Variants in MIGA1 observed in about 807,000 individuals in gnomAD.
The protein encoded by MIGA1 is mitoguardin 1.
MIGA1 carries 58 observed loss-of-function variants against 82.0 expected under a neutral mutation model. The observed-to-expected ratio is 0.71, with a 90% CI of 0.57 to 0.88. MIGA1 has a LOEUF of 0.88. MIGA1 is among the 40% of genes least tolerant of loss of function. The pLI, the probability that MIGA1 is intolerant of heterozygous loss-of-function variation, is 0.00. For missense variants in MIGA1, 751 were observed against 749.1 expected, an observed-to-expected ratio of 1.00 and a Z score of -0.03; for synonymous variants, 249 against 253.6, an observed-to-expected ratio of 0.98 and a Z score of 0.17.
chr1:77,805,461 C>CTTTTTTTTT (rs11408292), intron 4 of MIGA1, among the ~76,000 whole-genome samples: 289 of 109,412 alleles, frequency 2.6e-3, no homozygotes, highest in Middle Eastern at 7.1e-3. Flanking sequence ...TATGCCTATT[C>CTTTTTTTTT]TTTTTTTTTT....
intron 12 of MIGA1, among the ~76,000 whole-genome samples, chr1:77,862,450 AAAT>A (rs1571011139): frequency 6.7e-6 from 1 of 149,570 alleles, no homozygotes; most frequent in East Asian, 2.0e-4. Flanking sequence ...CTGGCTCAAA[AAAT>A]ATATAGATAT....
rs773988629 is a variant in MIGA1, at chr1:77,875,071, T to A, written c.*7T>A. On this transcript the variant is annotated 3_prime_UTR_variant, in exon 16 of 16. Transcript: ENST00000370791. The stretch of plus-strand genomic sequence containing the variant: ...GGAAGCCAAAGTACAATAAGTACCA[T>A]AAGAATCATACAATTTGAGTGTGCT... The A allele has an allele frequency of 2.5e-6, 4 of 1,590,410 alleles. No homozygotes were observed. Among genetic ancestry groups the A allele is most frequent in the Non-Finnish European group, 3.5e-6 (4 of 1,159,288 alleles).
At chr1:77,836,835 A>G (rs962814308) in intron 7 of MIGA1, among the ~76,000 whole-genome samples, 5 of 152,290 alleles carry the variant, frequency 3.3e-5, no homozygotes, top group Admixed American at 6.5e-5. Context: ...AGAAAAGAAC[A>G]TTGGATAGGT....
At chr1:77,863,467 G>A (rs1181386097) in intron 12 of MIGA1, among the ~76,000 whole-genome samples, 2 of 152,222 alleles carry the variant, frequency 1.3e-5, no homozygotes, top group Middle Eastern at 3.4e-3. Context: ...TACTCTAGGC[G>A]TCTAATTTGC....
At chr1:77,871,749 T>C (rs1646837723) in intron 14 of MIGA1, among the ~76,000 whole-genome samples, 3 of 152,192 alleles carry the variant, frequency 2.0e-5, no homozygotes, top group Admixed American at 1.3e-4. Flanking sequence ...AATTAAATGC[T>C]TAAATAATAT....
intron 4 of MIGA1, among the ~76,000 whole-genome samples, chr1:77,803,768 CG>C (rs1279513661): frequency 1.3e-5 from 2 of 151,556 alleles, no homozygotes; most frequent in Non-Finnish European, 2.9e-5. Flanking sequence ...GGAAAGGTAA[CG>C]GGGGGTGGAG....
intron 8 of MIGA1, among the ~76,000 whole-genome samples, chr1:77,850,826 T>C (rs1685017342): frequency 6.6e-6 from 1 of 151,934 alleles, no homozygotes; most frequent in South Asian, 2.1e-4. Context: ...TTATTGTTGC[T>C]GTTGTTGTTG....
Position 77,843,326 on chromosome 1 carries a change from C to T in MIGA1, c.915C>T (p.Thr305=). ...TTTAAGATAAAGATACAGATATCAC[C>T]ATGAAGGGTAATGTGGAAGACTTTG... The change falls in exon 8 of 16, where the codon ACC becomes ACT. Residue 305 remains threonine (T), a synonymous_variant. Coordinates refer to ENST00000370791, the MANE Select transcript of MIGA1 (RefSeq NM_198549.4). 2 of 1,612,916 alleles carry T rather than the reference C, an allele frequency of 1.2e-6. No individual in the cohort carries two copies. Among genetic ancestry groups the T allele is most frequent in the Non-Finnish European group, 1.7e-6 (2 of 1,179,032 alleles).
At chr1:77,860,605 A>G (rs1685424747) in intron 11 of MIGA1, 1 of 153,126 alleles carries the variant, frequency 6.5e-6, no homozygotes, top group Non-Finnish European at 1.5e-5. Flanking sequence ...TGATAAAACA[A>G]AACAAGCCTT....
chr1:77,822,478 C>CA, intron 7 of MIGA1, among the ~76,000 whole-genome samples: 1 of 152,168 alleles, frequency 6.6e-6, no homozygotes, highest in Non-Finnish European at 1.5e-5. Context: ...TATATCATAA[C>CA]AAAATGTTAA....
At chr1:77,848,178 C>T (rs1266877034) in intron 8 of MIGA1, 2 of 1,432,358 alleles carry the variant, frequency 1.4e-6, no homozygotes, top group Non-Finnish European at 2.0e-6. Flanking sequence ...GCACAGGAGA[C>T]CAGTCATAGA....
intron 7 of MIGA1, among the ~76,000 whole-genome samples, chr1:77,815,991 TG>T (rs1683559695): frequency 6.6e-6 from 1 of 152,176 alleles, no homozygotes; most frequent in South Asian, 2.1e-4. Context: ...TCACCCAGGC[TG>T]GGGTGCAGTG....
At chr1:77,874,758 C>T in intron 15 of MIGA1, 88 bp from the exon 16 acceptor site, 2 of 890,476 alleles carry the variant, frequency 2.2e-6, no homozygotes, top group Non-Finnish European at 3.5e-6. Context: ...CTTCTGAGTC[C>T]TGATTCAGTG....
At position 77,864,128 on chromosome 1, in the gene MIGA1, A is replaced by G. The variant is rs1048529726; in HGVS notation, c.1509+100A>G. 10 of 1,239,284 alleles carry G rather than the reference A, an allele frequency of 8.1e-6. No individual in the cohort carries two copies. The African/African-American group carries it at 1.3e-4, about 16-fold the overall frequency. 76.8% of individuals were successfully genotyped at this position (1,239,284 alleles called of 1,614,324 possible). Reference sequence around the variant, plus strand: ...GTAATCCCAGCACTTTGGGAGGCCAAGGCAGGCGGATCACCTGAGGTCAGG... The same window carrying G: ...GTAATCCCAGCACTTTGGGAGGCCAGGGCAGGCGGATCACCTGAGGTCAGG... On this transcript the variant is annotated intron_variant, in intron 13 of 15. Coordinates refer to ENST00000370791, the MANE Select transcript of MIGA1 (RefSeq NM_198549.4).
At chr1:77,870,451 G>T in intron 14 of MIGA1, among the ~76,000 whole-genome samples, 1 of 116,192 alleles carries the variant, frequency 8.6e-6, no homozygotes. Flanking sequence ...AGACAGGGCG[G>T]CGGGGCAGAG....
At chr1:77,802,271 C>G (rs530813138) in intron 3 of MIGA1, among the ~76,000 whole-genome samples, 4 of 152,252 alleles carry the variant, frequency 2.6e-5, no homozygotes, top group African/African-American at 9.6e-5. Context: ...CTGTCACTTG[C>G]TGAGATTTTA....
At chr1:77,861,478 T>C (rs542498032) in intron 12 of MIGA1, 156 bp downstream of exon 12, 15 of 566,380 alleles carry the variant, frequency 2.6e-5, no homozygotes, top group African/African-American at 2.5e-4. Flanking sequence ...CCACACTCCT[T>C]GTACGTTGGG....
At chr1:77,790,839 C>T (rs982679473) in intron 2 of MIGA1, among the ~76,000 whole-genome samples, 2 of 152,086 alleles carry the variant, frequency 1.3e-5, no homozygotes, top group Non-Finnish European at 1.5e-5. Flanking sequence ...CCACCCGCCT[C>T]AGCCTCCCAA....
chr1:77,823,212 CCTT>C (rs920772712), intron 7 of MIGA1, among the ~76,000 whole-genome samples: 25 of 151,746 alleles, frequency 1.6e-4, no homozygotes, highest in Non-Finnish European at 3.4e-4. Flanking sequence ...TGTCTATTCT[CCTT>C]TTTTTTTTTA....
Sources: allele counts gnomAD v4.1 joint callset (sites outside exome capture counted in the v4.1 genomes callset), GRCh38; gene constraint gnomAD v4.1.1; transcripts MANE v1.5; gene names NCBI Gene and HGNC (gene_info 2026-07-23, HGNC 2026-07-21).